The following FGF20 variants were observed in gnomAD, a reference collection of about 807,000 sequenced individuals.
FGF20 encodes fibroblast growth factor 20.
In FGF20, 8 loss-of-function variants were observed where a neutral mutation model predicts 16.7. The observed-to-expected ratio is 0.48, with a 90% CI of 0.28 to 0.87. The LOEUF (loss-of-function observed/expected upper bound fraction) is 0.87. Ranked by LOEUF, FGF20 falls within the 40% of genes least tolerant of loss-of-function variation. FGF20 has a pLI of 0.10. For synonymous variants in FGF20, 161 were observed against 118.6 expected, an observed-to-expected ratio of 1.36 and a Z score of -2.32; for missense variants, 397 against 281.4, an observed-to-expected ratio of 1.41 and a Z score of -2.94.
At position 16,993,274 on chromosome 8, in the gene FGF20, T is replaced by G; in HGVS notation, c.434A>C (p.Glu145Ala). The change falls in exon 3 of 3, where the codon GAG becomes GCG. Residue 145 changes from glutamate (E) to alanine (A), a missense_variant. Glu to Ala is a moderately radical substitution (Grantham distance 107). Coordinates refer to ENST00000180166, the MANE Select transcript of FGF20 (RefSeq NM_019851.3). ...AGATGAATAGGTGTTATACCAGTTC[T>G]CTTCAAACTGCTCCCTAAAGATGCA... ...SECIFREQFE[E>A]NWYNTYSSNI... is the part of the protein sequence containing the mutation. The G allele has an allele frequency of 6.2e-7, 1 of 1,613,890 alleles. No homozygotes were observed. Among genetic ancestry groups the G allele is most frequent in the Non-Finnish European group, 8.5e-7 (1 of 1,179,834 alleles).
At chr8:16,993,657 T>G (rs1221202099) in intron 2 of FGF20, among the ~76,000 whole-genome samples, 1 of 152,104 alleles carries the variant, frequency 6.6e-6, no homozygotes, top group Non-Finnish European at 1.5e-5. Flanking sequence ...CCATTATTAT[T>G]ACATTGTAAT....
chr8:16,997,057 C>T (rs187704224), intron 1 of FGF20, among the ~76,000 whole-genome samples: 249 of 152,242 alleles, frequency 1.6e-3, no homozygotes, highest in African/African-American at 5.8e-3. Flanking sequence ...AATTAGCATG[C>T]AAGTAGATTT....
rs1252960774 is a variant in FGF20 at position 16,993,191 on chromosome 8, C to T, written c.517G>A (p.Gly173Arg). The change falls in exon 3 of 3, where the codon GGA (glycine) becomes AGA (arginine). Residue 173 changes from glycine (G) to arginine (R), a missense_variant. Physicochemically the swap from Gly to Arg is moderately radical, Grantham distance 125. Transcript: ENST00000180166. ...RRYFVALNKD[G>R]TPRDGARSKR... ...GACCTGGCGCCATCTCTTGGAGTTCCGTCTTTGTTAAGTGCCACAAAATAC... is the reference window on the plus strand; with the variant it reads ...GACCTGGCGCCATCTCTTGGAGTTCTGTCTTTGTTAAGTGCCACAAAATAC... 11 of 1,613,850 alleles carry T rather than the reference C, an allele frequency of 6.8e-6. No individual in the cohort carries two copies. Among genetic ancestry groups the T allele is most frequent in the Admixed American group, 1.7e-5 (1 of 59,984 alleles).
Position 16,993,173 on chromosome 8 carries a change from C to G in FGF20, c.535G>C (p.Ala179Pro). 1 of 1,614,032 alleles carries G rather than the reference C, an allele frequency of 6.2e-7. No homozygotes were observed. The highest frequency in any genetic ancestry group is 8.5e-7 in the Non-Finnish European group (1 of 1,179,994). The change falls in exon 3 of 3, where the codon GCC becomes CCC. Residue 179 changes from alanine to proline, a missense_variant. By Grantham distance (27) the Ala-to-Pro change is conservative (BLOSUM62 -1). Transcript: ENST00000180166. ...LNKDGTPRDG[A>P]RSKRHQKFTH... is the part of the protein sequence containing the mutation. The stretch of plus-strand genomic sequence containing the variant: ...AATTTCTGATGCCTCTTGGACCTGG[C>G]GCCATCTCTTGGAGTTCCGTCTTTG...
In FGF20 at chr8:17,001,747, C is replaced by G. The variant is rs1274066944; in HGVS notation, c.286G>C (p.Gly96Arg). The G allele has an allele frequency of 6.3e-7, 1 of 1,576,458 alleles. No individual in the cohort carries two copies. The highest frequency in any genetic ancestry group is 8.6e-7 in the Non-Finnish European group (1 of 1,164,548). ...GTGGGGTCGGGATGCTAGTACGTAC[C>G]GAAGAGGCTGTGGTCCTGCCGGGTG... is the stretch of plus-strand genomic sequence containing the variant. ...QGTRQDHSLF[G>R]ILEFISVAVG... The change falls in exon 1 of 3, where the codon GGT becomes CGT. Residue 96 changes from glycine (G) to arginine (R), a missense_variant and splice_region_variant. Coordinates refer to ENST00000180166, the MANE Select transcript of FGF20 (RefSeq NM_019851.3).
intron 2 of FGF20, among the ~76,000 whole-genome samples, chr8:16,993,780 T>C (rs949808418): frequency 2.0e-5 from 3 of 152,280 alleles, no homozygotes; most frequent in South Asian, 4.1e-4. Flanking sequence ...CAGTGACACA[T>C]CATCAGGCAT....
rs762917811 is a variant in FGF20, at chr8:16,995,637, A to C, written c.390+18T>G. ...TTTAAGAATTACAATAATAATAAAA[A>C]ATAAAAATAATACGTACTGATCCAT... On this transcript the variant is annotated intron_variant, in intron 2 of 2. Transcript: ENST00000180166. 6 of 1,141,824 alleles carry C rather than the reference A, an allele frequency of 5.3e-6. No individual in the cohort carries two copies. Among genetic ancestry groups the C allele is most frequent in the Non-Finnish European group, 7.4e-6 (6 of 807,412 alleles). The allele number at this position is 1,141,824 out of a possible 1,614,324, so 70.7% of individuals were successfully genotyped here.
chr8:16,995,777 C>G lies in FGF20; in HGVS notation c.287-19G>C, dbSNP rs754151116. 8.8e-6 allele frequency: 12 copies of G among 1,362,778 alleles called. No homozygotes were observed. Among genetic ancestry groups the G allele is most frequent in the Middle Eastern group, 1.8e-4 (1 of 5,462 alleles). 84.4% of individuals were successfully genotyped at this position (1,362,778 alleles called of 1,614,324 possible). A position where few individuals can be genotyped will look rare whatever the true frequency, so the allele number is the denominator to read the frequency against. On this transcript the variant is annotated intron_variant, in intron 1 of 2. Transcript: ENST00000180166. ...AAGATACCTGCATATGTAAACAATT[C>G]ATAAAAACACCATGTTTTGTATTTA...
chr8:17,000,184 A>G (rs1242920167), intron 1 of FGF20, among the ~76,000 whole-genome samples: 3 of 152,130 alleles, frequency 2.0e-5, no homozygotes, highest in Non-Finnish European at 4.4e-5. Context: ...TCCTCAATTT[A>G]AAAACCACTT....
At chr8:16,998,223 T>C (rs1318700203) in intron 1 of FGF20, among the ~76,000 whole-genome samples, 1 of 152,206 alleles carries the variant, frequency 6.6e-6, no homozygotes, top group Non-Finnish European at 1.5e-5. Flanking sequence ...AGGTTATTTA[T>C]GTTCTTAGAA....
chr8:17,001,042 C>A (rs1810167853), intron 1 of FGF20, among the ~76,000 whole-genome samples: 1 of 150,730 alleles, frequency 6.6e-6, no homozygotes, highest in Admixed American at 6.6e-5. Context: ...CCTCCTCCCC[C>A]ACCCCTCCCC....
At position 16,995,850 on chromosome 8, in the gene FGF20, C is replaced by G. The variant is rs112520311; in HGVS notation, c.287-92G>C. 4.9e-3 allele frequency: 3,250 copies of G among 662,926 alleles called. 24 individuals carry two copies. Among genetic ancestry groups the G allele is most frequent in the Non-Finnish European group, 5.8e-3 (2,208 of 383,930 alleles). 41.1% of individuals were successfully genotyped at this position (662,926 alleles called of 1,614,324 possible). A position where few individuals can be genotyped will look rare whatever the true frequency, so the allele number is the denominator to read the frequency against. ...AAATCTTCCAAATAGTAGCGGTAGT[C>G]GGCCATTATTGCCAAATATAATGAT... On this transcript the variant is annotated intron_variant, in intron 1 of 2. Transcript: ENST00000180166.
chr8:16,999,998 A>G (rs1810145500), intron 1 of FGF20, among the ~76,000 whole-genome samples: 1 of 152,094 alleles, frequency 6.6e-6, no homozygotes, highest in African/African-American at 2.4e-5. Context: ...TTTTTCTGTA[A>G]TGAGCGCAGT....
Position 16,993,238 on chromosome 8 carries a change from T to A in FGF20, c.470A>T (p.Lys157Ile). Residue 157 changes from lysine to isoleucine, a missense_variant, in exon 3 of 3, where the codon AAA (lysine) becomes ATA (isoleucine). By Grantham distance (102) the Lys-to-Ile change is moderately radical (BLOSUM62 -3). Transcript: ENST00000180166. ...WYNTYSSNIYKHGDTGRRYFV... is the reference protein window; with the variant it reads ...WYNTYSSNIYIHGDTGRRYFV... ...ATACCTGCGGCCAGTGTCTCCATGT[T>A]TATATATGTTAGATGAATAGGTGTT... The A allele has an allele frequency of 6.2e-7, 1 of 1,614,124 alleles. No homozygotes were observed.
At position 17,002,102 on chromosome 8, in the gene FGF20, T is replaced by C. The variant is rs1810203827; in HGVS notation, c.-70A>G. The stretch of plus-strand genomic sequence containing the variant: ...GTTGTGGGGGTGGGATGGAGGTGGA[T>C]AGAGAAAAATTATAGCAAAACGAGC... On this transcript the variant is annotated 5_prime_UTR_variant, in exon 1 of 3. Transcript: ENST00000180166. The C allele has an allele frequency of 7.0e-7, 1 of 1,426,192 alleles. No homozygotes were observed. The allele number at this position is 1,426,192 out of a possible 1,614,324, so 88.3% of individuals were successfully genotyped here. A position where few individuals can be genotyped will look rare whatever the true frequency, so the allele number is the denominator to read the frequency against.
rs546963099 is a variant in FGF20, at chr8:16,993,594, C to T, written c.391-277G>A. Among the ~76,000 whole-genome samples, 177 of 152,098 alleles carry T rather than the reference C, an allele frequency of 1.2e-3. 1 individual carries two copies. Among genetic ancestry groups the T allele is most frequent in the Non-Finnish European group, 2.1e-3 (146 of 67,988 alleles). The stretch of plus-strand genomic sequence containing the variant: ...TTTTCCACGGACCAGGATGGGGACA[C>T]GGGATGGTTTCAGGGTGATCCAAGT... On this transcript the variant is annotated intron_variant, in intron 2 of 2. Transcript: ENST00000180166.
chr8:17,001,624 G>C, intron 1 of FGF20, 123 bp downstream of exon 1: 1 of 1,178,992 alleles, frequency 8.5e-7, no homozygotes, highest in South Asian at 1.8e-5. Flanking sequence ...GATGGGTCCA[G>C]GGGAGCTCCG....
At position 16,992,511 on chromosome 8, in the gene FGF20, T is replaced by C. The variant is rs1406037212; in HGVS notation, c.*561A>G. On this transcript the variant is annotated 3_prime_UTR_variant, in exon 3 of 3. Coordinates refer to ENST00000180166, the MANE Select transcript of FGF20 (RefSeq NM_019851.3). ...AATATATATAATAAATATTTTCAAA[T>C]TGAAAGTGTATAAATAGGTCCATTC... 6.6e-6 allele frequency: 1 copy of C among 151,420 alleles called. No individual in the cohort carries two copies. The highest frequency in any genetic ancestry group is 1.5e-5 in the Non-Finnish European group (1 of 67,870). The allele number at this position is 151,420 out of a possible 1,614,324, so 9.4% of individuals were successfully genotyped here.
intron 1 of FGF20, among the ~76,000 whole-genome samples, chr8:16,997,757 G>A (rs547497709): frequency 3.9e-5 from 6 of 151,992 alleles, no homozygotes; most frequent in Non-Finnish European, 7.4e-5. Context: ...GGGGAGTGAA[G>A]GAAAATCAAA....
Sources: gnomAD v4.1 joint callset for allele counts (sites outside exome capture counted in the v4.1 genomes callset) on GRCh38, gnomAD v4.1.1 for gene constraint, MANE v1.5 for transcripts, NCBI Gene and HGNC (gene_info 2026-07-23, HGNC 2026-07-21) for gene names.